Variants in UNC5D observed in about 807,000 individuals in gnomAD.
UNC5D encodes the protein unc-5 netrin receptor D, also known as netrin receptor UNC5D.
Under a neutral mutation model 105.4 loss-of-function variants are expected in UNC5D, and 39 were observed. The observed-to-expected ratio is 0.37, with a 90% confidence interval of 0.29 to 0.48. The LOEUF (loss-of-function observed/expected upper bound fraction) is 0.48. Ranked by LOEUF, UNC5D falls within the 20% of genes least tolerant of loss-of-function variation. The probability of loss-of-function intolerance (pLI) is 0.98; values close to 1 mark genes in which losing one functional copy is unlikely to be tolerated. For missense variants in UNC5D, 991 were observed against 1,202.4 expected (o/e 0.82, Z 2.60); for synonymous variants, 452 against 450.4 (o/e 1.00, Z -0.04).
chr8:35,550,758 A>C (rs1816072557), intron 2 of UNC5D, among the ~76,000 whole-genome samples: 1 of 152,172 alleles, frequency 6.6e-6, no homozygotes. Flanking sequence ...AACTAGGACT[A>C]TCAGTAAAGG....
chr8:35,611,657 T>C (rs1270991329), intron 4 of UNC5D, among the ~76,000 whole-genome samples: 1 of 152,204 alleles, frequency 6.6e-6, no homozygotes, highest in Admixed American at 6.5e-5. Flanking sequence ...CCCATCCTAA[T>C]AGCTGGATGT....
chr8:35,486,056 A>G (rs867596452), intron 1 of UNC5D, among the ~76,000 whole-genome samples: 30 of 152,222 alleles, frequency 2.0e-4, no homozygotes, highest in Middle Eastern at 3.4e-3. Flanking sequence ...GCAGTAATTT[A>G]CCTTTGACAG....
chr8:35,702,952 T>A (rs1420402655), intron 7 of UNC5D, among the ~76,000 whole-genome samples: 1 of 152,116 alleles, frequency 6.6e-6, no homozygotes, highest in Non-Finnish European at 1.5e-5. Flanking sequence ...CTGTAGAATG[T>A]CTTTGGTTGC....
Position 35,790,410 on chromosome 8 carries a change from C to T in UNC5D, c.2709C>T (p.Asn903=). 1 of 1,613,922 alleles carries T rather than the reference C, an allele frequency of 6.2e-7. No individual in the cohort carries two copies. The highest frequency in any genetic ancestry group is 8.5e-7 in the Non-Finnish European group (1 of 1,179,876). ...TQSSPSAVIL[N]LWEARHQHDG... ...GTAGCCCATCTGCTGTCATTTTGAACCTGTGGGAAGCTCGTCATCAGCATG... is the reference window on the plus strand; with the variant it reads ...GTAGCCCATCTGCTGTCATTTTGAATCTGTGGGAAGCTCGTCATCAGCATG... The change falls in exon 17 of 17, where the codon AAC becomes AAT. Residue 903 remains asparagine, a synonymous_variant. Transcript: ENST00000404895.
intron 2 of UNC5D, among the ~76,000 whole-genome samples, chr8:35,561,044 C>T (rs547777540): frequency 1.3e-5 from 2 of 152,110 alleles, no homozygotes; most frequent in Non-Finnish European, 2.9e-5. Flanking sequence ...ATGTGACCAC[C>T]CTTTCTAGTT....
At chr8:35,679,689 A>G (rs1224209063) in intron 4 of UNC5D, among the ~76,000 whole-genome samples, 1 of 152,210 alleles carries the variant, frequency 6.6e-6, no homozygotes, top group African/African-American at 2.4e-5. Context: ...TCAACTGTAG[A>G]GGTCAGAATA....
At chr8:35,378,986 C>T (rs2128930498) in intron 1 of UNC5D, among the ~76,000 whole-genome samples, 1 of 152,222 alleles carries the variant, frequency 6.6e-6, no homozygotes, top group African/African-American at 2.4e-5. Flanking sequence ...AGCAGGTGTC[C>T]TTGATGATTG....
Position 35,556,902 on chromosome 8 carries a change from G to C in UNC5D, c.322+7392G>C, listed in dbSNP as rs371520225. Among the ~76,000 whole-genome samples the C allele has an allele frequency of 2.6e-4, 40 of 152,240 alleles. No homozygotes were observed. The East Asian group carries it at 7.4e-3, about 28-fold the overall frequency. ...ATTTTCCTAGCCCTCACTCAAAATG[G>C]AGTTGCTCTGGTTTGAACACCTTTG... On this transcript the variant is annotated intron_variant, in intron 2 of 16. Coordinates refer to ENST00000404895, the MANE Select transcript of UNC5D (RefSeq NM_080872.4).
chr8:35,586,402 A>G (rs186221816), intron 3 of UNC5D, among the ~76,000 whole-genome samples: 8 of 152,220 alleles, frequency 5.3e-5, no homozygotes, highest in African/African-American at 9.6e-5. Flanking sequence ...CACCTAACAG[A>G]AAGCCTTTTA....
intron 1 of UNC5D, among the ~76,000 whole-genome samples, chr8:35,458,097 T>A (rs1323201385): frequency 6.6e-6 from 1 of 152,158 alleles, no homozygotes; most frequent in Non-Finnish European, 1.5e-5. Flanking sequence ...CACTGCTGCC[T>A]GCTCTGCACC....
At chr8:35,557,770 G>A (rs772098212) in intron 2 of UNC5D, among the ~76,000 whole-genome samples, 2 of 151,930 alleles carry the variant, frequency 1.3e-5, no homozygotes, top group Non-Finnish European at 2.9e-5. Context: ...GTGTGATCTC[G>A]TAGCAGCTTG....
intron 2 of UNC5D, among the ~76,000 whole-genome samples, chr8:35,567,176 C>T (rs915332090): frequency 6.6e-6 from 1 of 152,094 alleles, no homozygotes; most frequent in Non-Finnish European, 1.5e-5. Context: ...CCCCTTTCTT[C>T]ACCTCCTCAT....
intron 1 of UNC5D, among the ~76,000 whole-genome samples, chr8:35,431,999 T>G (rs1211364606): frequency 6.6e-6 from 1 of 152,196 alleles, no homozygotes. Flanking sequence ...GACATAATCC[T>G]TAAAAGCATA....
chr8:35,301,115 T>G (rs887965186), intron 1 of UNC5D, among the ~76,000 whole-genome samples: 11 of 152,114 alleles, frequency 7.2e-5, no homozygotes, highest in Non-Finnish European at 1.3e-4. Context: ...AATTATCTCC[T>G]TCAAGAAATT....
rs10570182 is a variant in UNC5D at position 35,585,526 on chromosome 8, A to ATG, written c.467-10002_467-10001dup. Among the ~76,000 whole-genome samples, 931 of 148,920 alleles carry ATG rather than the reference A, an allele frequency of 6.3e-3. 3 individuals carry two copies. The highest frequency in any genetic ancestry group is 7.9e-3 in the South Asian group (37 of 4,688). ...TATAATATATTATTGCAACCATAAT[A>ATG]TGTGTGTGTGTGTGTGTGTGTGTGT... On this transcript the variant is annotated intron_variant, in intron 3 of 16. Transcript: ENST00000404895.
At chr8:35,430,386 T>C (rs1236657851) in intron 1 of UNC5D, among the ~76,000 whole-genome samples, 1 of 152,158 alleles carries the variant, frequency 6.6e-6, no homozygotes, top group Non-Finnish European at 1.5e-5. Flanking sequence ...CATCTGTTTA[T>C]CTGTACCCTT....
At chr8:35,424,704 T>C (rs1258411419) in intron 1 of UNC5D, among the ~76,000 whole-genome samples, 1 of 152,190 alleles carries the variant, frequency 6.6e-6, no homozygotes, top group Non-Finnish European at 1.5e-5. Context: ...CTCATCTCTA[T>C]AGTGTGGGCT....
At chr8:35,754,350 A>C (rs1830418671) in intron 13 of UNC5D, among the ~76,000 whole-genome samples, 2 of 152,380 alleles carry the variant, frequency 1.3e-5, no homozygotes, top group African/African-American at 4.8e-5. Context: ...TTAGGAAATC[A>C]ATGTGAACAT....
At chr8:35,773,261 A>G (rs986649392) in intron 15 of UNC5D, among the ~76,000 whole-genome samples, 4 of 152,198 alleles carry the variant, frequency 2.6e-5, no homozygotes, top group African/African-American at 9.7e-5. Context: ...ATAAGGATTA[A>G]TATTGAAATG....
Sources: gnomAD v4.1 joint callset for allele counts (sites outside exome capture counted in the v4.1 genomes callset) on GRCh38, gnomAD v4.1.1 for gene constraint, MANE v1.5 for transcripts, NCBI Gene and HGNC (gene_info 2026-07-23, HGNC 2026-07-21) for gene names.